Variants in CELSR1 observed in about 807,000 individuals in gnomAD.
The protein encoded by CELSR1 is adhesion G protein-coupled receptor C1.
CELSR1 carries 110 observed loss-of-function variants against 249.1 expected under a neutral mutation model. That is an observed-to-expected ratio of 0.44 (90% CI 0.38 to 0.52). The LOEUF (loss-of-function observed/expected upper bound fraction) is 0.52, where lower values mean the gene tolerates loss of function less well. Ranked by LOEUF, CELSR1 falls within the 20% of genes least tolerant of loss-of-function variation. The probability of loss-of-function intolerance (pLI) is 0.00; values close to 1 mark genes in which losing one functional copy is unlikely to be tolerated. For synonymous variants in CELSR1, 2,113 were observed against 1,900.0 expected, an observed-to-expected ratio of 1.11 and a Z score of -2.92; for missense variants, 4,109 against 4,296.4, an observed-to-expected ratio of 0.96 and a Z score of 1.22.
In CELSR1 at chr22:46,500,022, G is replaced by A. The variant is rs1004104581; in HGVS notation, c.3544+33605C>T. ...CATGCCTGGCTCAAGGCTCAGCGGC[G>A]ACCTCTCCCGCTTATCTTCCCAAAC... On this transcript the variant is annotated intron_variant, in intron 1 of 34. Coordinates refer to ENST00000674500, the MANE Select transcript of CELSR1 (RefSeq NM_001378328.1). This position sits in a 1 kb window ranked among gnomAD's most constrained non-coding sequence, Gnocchi z 4.9. Among the ~76,000 whole-genome samples, 3 of 151,964 alleles carry A rather than the reference G, an allele frequency of 2.0e-5. No individual in the cohort carries two copies. Among genetic ancestry groups the A allele is most frequent in the African/African-American group, 7.3e-5 (3 of 41,368 alleles).
chr22:46,363,937 C>T lies in CELSR1; in HGVS notation c.9035+59G>A. 6.7e-7 allele frequency: 1 copy of T among 1,492,096 alleles called. No homozygotes were observed. Among genetic ancestry groups the T allele is most frequent in the Non-Finnish European group, 8.9e-7 (1 of 1,119,870 alleles). 92.4% of individuals were successfully genotyped at this position (1,492,096 alleles called of 1,614,324 possible). On this transcript the variant is annotated intron_variant, in intron 34 of 34. Coordinates refer to ENST00000674500, the MANE Select transcript of CELSR1 (RefSeq NM_001378328.1). This position sits in a 1 kb window ranked among gnomAD's most constrained non-coding sequence, Gnocchi z 4.3. ...TCCCTGACCACTGCCCCCTCTCTCT[C>T]CTGACTCAGGACAAGGGGGAAGTGG...
chr22:46,378,792 C>A (rs536354160), intron 22 of CELSR1, 75 bp from the exon 23 acceptor site: 1 of 1,540,864 alleles, frequency 6.5e-7, no homozygotes, highest in Middle Eastern at 2.1e-4. Context: ...GCAGCCTTTG[C>A]CCAGCCCTGG....
chr22:46,428,896 C>T lies in CELSR1; in HGVS notation c.4611+4497G>A, dbSNP rs774238415. On this transcript the variant is annotated intron_variant, in intron 5 of 34. Coordinates refer to ENST00000674500, the MANE Select transcript of CELSR1 (RefSeq NM_001378328.1). This position sits in a 1 kb window ranked among gnomAD's most constrained non-coding sequence, Gnocchi z 5.7. ...CTCCCCAGCTGGCCAGGAGACTGTG[C>T]TCCAGGCTCTGGGCAGGCTCAGCTG... Among the ~76,000 whole-genome samples the T allele has an allele frequency of 2.0e-5, 3 of 152,210 alleles. No individual in the cohort carries two copies. Among genetic ancestry groups the T allele is most frequent in the Non-Finnish European group, 4.4e-5 (3 of 68,036 alleles).
At chr22:46,422,801 C>T (rs2079492956) in intron 5 of CELSR1, among the ~76,000 whole-genome samples, 1 of 151,376 alleles carries the variant, frequency 6.6e-6, no homozygotes, top group South Asian at 2.1e-4. Context: ...TCCCATGACC[C>T]AGATAACTGC....
At position 46,411,185 on chromosome 22, in the gene CELSR1, C is replaced by T. The variant is rs1450031141; in HGVS notation, c.4769+417G>A. On this transcript the variant is annotated intron_variant, in intron 6 of 34. Coordinates refer to ENST00000674500, the MANE Select transcript of CELSR1 (RefSeq NM_001378328.1). The surrounding 1 kb of genome is among the most constrained non-coding windows in gnomAD (Gnocchi z 4.2). ...CTGCACTCCAGCCTGGGCAACAGAG[C>T]GAGACCCCATCTCAGAAAAAAACAA... Among the ~76,000 whole-genome samples the T allele has an allele frequency of 2.0e-5, 3 of 152,072 alleles. No homozygotes were observed. The highest frequency in any genetic ancestry group is 4.4e-5 in the Non-Finnish European group (3 of 68,016).
chr22:46,524,589 T>C (rs1230035472), intron 1 of CELSR1, among the ~76,000 whole-genome samples: 1 of 151,834 alleles, frequency 6.6e-6, no homozygotes, highest in Non-Finnish European at 1.5e-5. Flanking sequence ...TCTGTGTGTT[T>C]TGTTTGCTTT....
At position 46,433,918 on chromosome 22, in the gene CELSR1, C is replaced by T. The variant is rs188458455; in HGVS notation, c.4523-437G>A. ...TAGTCTAGTCTCGAACTCCTGACCT[C>T]GTGATCTGCCTGCCTTGGCCTCCCA... On this transcript the variant is annotated intron_variant, in intron 4 of 34. Transcript: ENST00000674500. The surrounding 1 kb of genome is among the most constrained non-coding windows in gnomAD (Gnocchi z 5.7). Among the ~76,000 whole-genome samples, 8 of 152,150 alleles carry T rather than the reference C, an allele frequency of 5.3e-5. No homozygotes were observed. In the East Asian group the frequency reaches 5.8e-4, roughly 11 times the overall value.
In CELSR1 at chr22:46,362,916, T is replaced by C. The variant is rs75498646; in HGVS notation, c.*307A>G. ...CTGGGGTCCCCTCTCAGTTCTGGCT[T>C]TGACTGCAGTCTTAGGACTCAGCGG... On this transcript the variant is annotated 3_prime_UTR_variant, in exon 35 of 35. Transcript: ENST00000674500. 0.025 allele frequency: 12,816 copies of C among 508,758 alleles called. 1,321 individuals carry two copies. Among genetic ancestry groups the C allele is most frequent in the African/African-American group, 0.22 (11,303 of 52,112 alleles). The allele number at this position is 508,758 out of a possible 1,614,324, so 31.5% of individuals were successfully genotyped here.
intron 1 of CELSR1, among the ~76,000 whole-genome samples, chr22:46,502,846 C>T (rs55680402): frequency 0.47 from 71,196 of 152,020 alleles, 17,386 homozygotes; most frequent in East Asian, 0.85. Flanking sequence ...GGCAGCAAGG[C>T]GTTTTTAAAG....
At chr22:46,460,218 CATTAG>C (rs2080008789) in intron 2 of CELSR1, among the ~76,000 whole-genome samples, 1 of 151,876 alleles carries the variant, frequency 6.6e-6, no homozygotes, top group African/African-American at 2.4e-5. Context: ...CACACACACC[CATTAG>C]CTACAGTCCC....
rs757278921 is a variant in CELSR1 at position 46,398,520 on chromosome 22, G to A, written c.5526+4C>T. 2.5e-5 allele frequency: 29 copies of A among 1,169,534 alleles called. No individual in the cohort carries two copies. The highest frequency in any genetic ancestry group is 9.2e-5 in the African/African-American group (6 of 65,372). The allele number at this position is 1,169,534 out of a possible 1,614,324, so 72.4% of individuals were successfully genotyped here. On this transcript the variant is annotated splice_donor_region_variant and intron_variant, in intron 11 of 34. Coordinates refer to ENST00000674500, the MANE Select transcript of CELSR1 (RefSeq NM_001378328.1). This position sits in a 1 kb window ranked among gnomAD's most constrained non-coding sequence, Gnocchi z 7.2. ...TCCCCCCGCCCCCCACAACCCCCAC[G>A]CACCTGCATGCAGCCTCGGAATCCA... is the stretch of plus-strand genomic sequence containing the variant.
chr22:46,410,379 C>T lies in CELSR1; in HGVS notation c.4933+19G>A, dbSNP rs758181536. 1 of 1,410,980 alleles carries T rather than the reference C, an allele frequency of 7.1e-7. No individual in the cohort carries two copies. Among genetic ancestry groups the T allele is most frequent in the Non-Finnish European group, 9.7e-7 (1 of 1,028,190 alleles). 87.4% of individuals were successfully genotyped at this position (1,410,980 alleles called of 1,614,324 possible). A position where few individuals can be genotyped will look rare whatever the true frequency, so the allele number is the denominator to read the frequency against. ...AGATGCCACTGCGGCAGCTCCGACG[C>T]CCTGACGGCCACCCGTACCTTCCCG... On this transcript the variant is annotated intron_variant, in intron 7 of 34. Transcript: ENST00000674500. The surrounding 1 kb of genome is among the most constrained non-coding windows in gnomAD (Gnocchi z 6.8).
rs2080458677 is a variant in CELSR1, at chr22:46,500,820, G to T, written c.3544+32807C>A. The stretch of plus-strand genomic sequence containing the variant: ...CAGCAGCAGGTCAGGCCACTACATT[G>T]CGTCTCTCAGGCTCAGAACATCCCC... On this transcript the variant is annotated intron_variant, in intron 1 of 34. Transcript: ENST00000674500. This position sits in a 1 kb window ranked among gnomAD's most constrained non-coding sequence, Gnocchi z 4.9. Among the ~76,000 whole-genome samples the T allele has an allele frequency of 1.3e-5, 2 of 152,098 alleles. No individual in the cohort carries two copies. The highest frequency in any genetic ancestry group is 6.6e-5 in the Admixed American group (1 of 15,258).
rs1378732427 is a variant in CELSR1, at chr22:46,373,051, A to C, written c.7591T>G (p.Cys2531Gly). ...GINQTENPFL[C>G]TVVAILLHYI... is the part of the protein sequence containing the mutation. ...TGGAGGAGGATGGCAACCACTGTGC[A>C]CAGAAACTGCGCAGGGAGGGGCCGC... is the stretch of plus-strand genomic sequence containing the variant. The change falls in exon 25 of 35, where the codon TGC becomes GGC. Residue 2531 changes from cysteine (C) to glycine (G), a missense_variant. Coordinates refer to ENST00000674500, the MANE Select transcript of CELSR1 (RefSeq NM_001378328.1). 3.7e-6 allele frequency: 6 copies of C among 1,604,842 alleles called. No individual in the cohort carries two copies. The Middle Eastern group carries it at 6.6e-4, about 177-fold the overall frequency.
At chr22:46,373,723 G>A in intron 24 of CELSR1, among the ~76,000 whole-genome samples, 1 of 149,576 alleles carries the variant, frequency 6.7e-6, no homozygotes, top group African/African-American at 2.5e-5. Context: ...GGGGGAGATG[G>A]GAGCAATGGG....
rs755144880 is a variant in CELSR1 at position 46,409,150 on chromosome 22, G to A, written c.5072C>T (p.Pro1691Leu). Residue 1691 changes from proline (P) to leucine (L), a missense_variant, in exon 9 of 35, where the codon CCC becomes CTC. Physicochemically the swap from Pro to Leu is moderately conservative, Grantham distance 98 (BLOSUM62 -3). This residue lies in a region of CELSR1 where 453 missense variants were observed against 492.0 expected (regional missense o/e 0.92). Coordinates refer to ENST00000674500, the MANE Select transcript of CELSR1 (RefSeq NM_001378328.1). This position sits in a 1 kb window ranked among gnomAD's most constrained non-coding sequence, Gnocchi z 9.8. ...GACGCTCTCACCGCTGAAGAGCTGG[G>A]GGTGAGGCATGGCTGCGGACACAGG... ...GKNCEQAMPH[P>L]QLFSGESVVS... is the part of the protein sequence containing the mutation. The A allele has an allele frequency of 6.2e-7, 1 of 1,613,038 alleles. No homozygotes were observed. The highest frequency in any genetic ancestry group is 1.1e-5 in the South Asian group (1 of 90,870).
chr22:46,473,035 G>A lies in CELSR1; in HGVS notation c.3545-8690C>T, dbSNP rs1026003437. Among the ~76,000 whole-genome samples, 1 of 152,178 alleles carries A rather than the reference G, an allele frequency of 6.6e-6. No individual in the cohort carries two copies. Among genetic ancestry groups the A allele is most frequent in the Non-Finnish European group, 1.5e-5 (1 of 68,036 alleles). ...TTTGGGGGGACGTTAGTCAACCCCG[G>A]GAATGCAGAGTAGCGGAGAGACACG... On this transcript the variant is annotated intron_variant, in intron 1 of 34. Transcript: ENST00000674500. This position sits in a 1 kb window ranked among gnomAD's most constrained non-coding sequence, Gnocchi z 6.6.
chr22:46,474,788 C>CTTTTTT (rs55932520), intron 1 of CELSR1, among the ~76,000 whole-genome samples: 3,633 of 89,444 alleles, frequency 0.041, 682 homozygotes, highest in African/African-American at 0.16. Flanking sequence ...CTCTCTACTT[C>CTTTTTT]TTTTTTTTTT....
chr22:46,384,660 A>G lies in CELSR1; in HGVS notation c.6766T>C (p.Phe2256Leu). ...MILAVDIFDKFNFTGARVPRF... is the reference protein window; with the variant it reads ...MILAVDIFDKLNFTGARVPRF... ...GGGACCCTGGCTCCCGTAAAGTTGA[A>G]CTTGTCAAAGATGTCGACAGCAAGA... The change falls in exon 20 of 35, where the codon TTC becomes CTC. Residue 2256 changes from phenylalanine to leucine, a missense_variant. Coordinates refer to ENST00000674500, the MANE Select transcript of CELSR1 (RefSeq NM_001378328.1). 6.2e-7 allele frequency: 1 copy of G among 1,613,056 alleles called. No individual in the cohort carries two copies. The highest frequency in any genetic ancestry group is 1.1e-5 in the South Asian group (1 of 90,746).
Sources: gnomAD v4.1 joint callset for allele counts (sites outside exome capture counted in the v4.1 genomes callset) on GRCh38, gnomAD v4.1.1 for gene constraint, gnomAD v4.1.1 regional missense constraint, Gnocchi (gnomAD v3.1) non-coding constraint, MANE v1.5 for transcripts, NCBI Gene and HGNC (gene_info 2026-07-23, HGNC 2026-07-21) for gene names.